The following SPATA16 variants were observed in gnomAD, a reference collection of about 807,000 sequenced individuals.
SPATA16 encodes spermatogenesis-associated protein 16.
Under a neutral mutation model 63.3 loss-of-function variants are expected in SPATA16, and 36 were observed. The ratio of observed to expected loss-of-function variants is 0.57; its 90% confidence interval spans 0.44 to 0.75. The LOEUF (loss-of-function observed/expected upper bound fraction) is 0.75, where lower values mean the gene tolerates loss of function less well. SPATA16 is among the 30% of genes least tolerant of loss of function. The pLI, the probability that SPATA16 is intolerant of heterozygous loss-of-function variation, is 0.00. For missense variants in SPATA16, 646 were observed against 679.3 expected, an observed-to-expected ratio of 0.95 and a Z score of 0.54; for synonymous variants, 203 against 216.7, an observed-to-expected ratio of 0.94 and a Z score of 0.56.
intron 5 of SPATA16, among the ~76,000 whole-genome samples, chr3:172,964,580 T>C (rs1325915841): frequency 6.6e-6 from 1 of 152,240 alleles, no homozygotes; most frequent in Non-Finnish European, 1.5e-5. Context: ...CTGTGTTCAG[T>C]AGTAAATGTC....
intron 4 of SPATA16, among the ~76,000 whole-genome samples, chr3:173,010,272 G>C (rs545141224): frequency 6.6e-6 from 1 of 151,734 alleles, no homozygotes; most frequent in Non-Finnish European, 1.5e-5. Flanking sequence ...CCCAGGTTGG[G>C]AGGGAACAAA....
At chr3:173,051,934 C>T (rs1736109052) in intron 2 of SPATA16, among the ~76,000 whole-genome samples, 1 of 151,996 alleles carries the variant, frequency 6.6e-6, no homozygotes, top group African/African-American at 2.4e-5. Flanking sequence ...GCCTCAGCCG[C>T]CCAAGTAACT....
At chr3:173,039,804 C>T (rs1045128739) in intron 3 of SPATA16, among the ~76,000 whole-genome samples, 1 of 152,032 alleles carries the variant, frequency 6.6e-6, no homozygotes, top group Non-Finnish European at 1.5e-5. Flanking sequence ...AGAGGCAATA[C>T]AGGAGTGCTG....
chr3:172,951,816 C>A (rs968311997), intron 6 of SPATA16, among the ~76,000 whole-genome samples: 1 of 152,180 alleles, frequency 6.6e-6, no homozygotes, highest in Non-Finnish European at 1.5e-5. Context: ...CCAGCCTCCA[C>A]TGGGTGAATT....
At chr3:173,025,637 G>A (rs899898871) in intron 3 of SPATA16, among the ~76,000 whole-genome samples, 6 of 151,600 alleles carry the variant, frequency 4.0e-5, no homozygotes, top group Non-Finnish European at 7.4e-5. Flanking sequence ...CCAGTTTCTG[G>A]CAACCACTGA....
Position 173,085,638 on chromosome 3 carries a change from T to C in SPATA16, c.612+31482A>G, listed in dbSNP as rs140813626. Among the ~76,000 whole-genome samples, 736 of 152,262 alleles carry C rather than the reference T, an allele frequency of 4.8e-3. 16 individuals are homozygous for C. In the East Asian group the frequency reaches 0.067, roughly 14 times the overall value. ...TCCAGCTTTTGCCCATTCAGTATGA[T>C]ATTTGCTGTAAGTTTGTCAAAAATG... On this transcript the variant is annotated intron_variant, in intron 2 of 10. Coordinates refer to ENST00000351008, the MANE Select transcript of SPATA16 (RefSeq NM_031955.6).
chr3:173,046,353 C>T (rs1735955155), intron 3 of SPATA16, among the ~76,000 whole-genome samples: 1 of 151,938 alleles, frequency 6.6e-6, no homozygotes, highest in Non-Finnish European at 1.5e-5. Context: ...GCCTTTGTAT[C>T]ATTGACTATT....
At chr3:172,893,961 A>G (rs1052474216) in intron 10 of SPATA16, among the ~76,000 whole-genome samples, 3 of 152,222 alleles carry the variant, frequency 2.0e-5, no homozygotes, top group Non-Finnish European at 4.4e-5. Flanking sequence ...TTTTAATTAA[A>G]GCTTTAAAAG....
chr3:172,929,418 C>T (rs544942007), intron 6 of SPATA16, among the ~76,000 whole-genome samples: 1 of 152,260 alleles, frequency 6.6e-6, no homozygotes, highest in Admixed American at 6.5e-5. Flanking sequence ...AAACAGTTTT[C>T]CCTTCTTCAG....
intron 4 of SPATA16, among the ~76,000 whole-genome samples, chr3:173,010,070 G>A (rs1466462008): frequency 1.3e-5 from 2 of 152,152 alleles, no homozygotes; most frequent in Non-Finnish European, 2.9e-5. Flanking sequence ...CGACTGCCAC[G>A]CAGGAAAAGG....
chr3:172,925,484 C>T lies in SPATA16; in HGVS notation c.1090G>A (p.Ala364Thr), dbSNP rs749896332. ...YAEYMYTDLQALHMLPQTVDW... is the reference protein window; with the variant it reads ...YAEYMYTDLQTLHMLPQTVDW... ...ACTGTCTGAGGCAACATGTGGAGTG[C>T]TTGAAGATCTGAAATATGACAGAAA... The change falls in exon 7 of 11, where the codon GCA (alanine) becomes ACA (threonine). Residue 364 changes from alanine to threonine, a missense_variant. By Grantham distance (58) the Ala-to-Thr change is moderately conservative. Coordinates refer to ENST00000351008, the MANE Select transcript of SPATA16 (RefSeq NM_031955.6). The T allele has an allele frequency of 6.2e-7, 1 of 1,613,872 alleles. No individual in the cohort carries two copies. Among genetic ancestry groups the T allele is most frequent in the Non-Finnish European group, 8.5e-7 (1 of 1,179,900 alleles).
At chr3:173,022,053 A>G (rs1280516267) in intron 3 of SPATA16, among the ~76,000 whole-genome samples, 2 of 151,998 alleles carry the variant, frequency 1.3e-5, no homozygotes, top group African/African-American at 4.8e-5. Flanking sequence ...TTATCAAAAG[A>G]GAGAGAGGAG....
At chr3:173,041,172 G>A (rs1735830915) in intron 3 of SPATA16, among the ~76,000 whole-genome samples, 1 of 152,050 alleles carries the variant, frequency 6.6e-6, no homozygotes, top group African/African-American at 2.4e-5. Flanking sequence ...TCTCAAGGAG[G>A]CAAACTGCCT....
chr3:172,950,225 A>G (rs1328173689), intron 6 of SPATA16, among the ~76,000 whole-genome samples: 1 of 152,200 alleles, frequency 6.6e-6, no homozygotes, highest in Non-Finnish European at 1.5e-5. Flanking sequence ...GTCACCTGCT[A>G]CTGCAAAGGA....
intron 2 of SPATA16, among the ~76,000 whole-genome samples, chr3:173,095,922 A>G (rs1045639841): frequency 2.0e-5 from 3 of 152,162 alleles, no homozygotes; most frequent in Non-Finnish European, 4.4e-5. Context: ...AAATGACATT[A>G]GACTTGGTGC....
At chr3:172,907,338 G>A (rs969886086) in intron 10 of SPATA16, among the ~76,000 whole-genome samples, 5 of 152,090 alleles carry the variant, frequency 3.3e-5, no homozygotes, top group South Asian at 2.1e-4. Flanking sequence ...CTACCACTGC[G>A]TTCAAGGGTT....
chr3:173,032,429 A>G (rs1735627063), intron 3 of SPATA16, among the ~76,000 whole-genome samples: 1 of 152,098 alleles, frequency 6.6e-6, no homozygotes, highest in African/African-American at 2.4e-5. Context: ...ATCAGGATCT[A>G]TGTTTAAGTA....
At position 172,925,556 on chromosome 3, in the gene SPATA16, C is replaced by G. The variant is rs934906978; in HGVS notation, c.1082-64G>C. ...TGGTTTTAATATTTTTAGGGTTTTC[C>G]CCCCCAGATTTCAGGAATTGTACTT... On this transcript the variant is annotated intron_variant, in intron 6 of 10. Coordinates refer to ENST00000351008, the MANE Select transcript of SPATA16 (RefSeq NM_031955.6). 25 of 1,602,368 alleles carry G rather than the reference C, an allele frequency of 1.6e-5. No individual in the cohort carries two copies. In the African/African-American group the frequency reaches 3.2e-4, roughly 21 times the overall value.
intron 4 of SPATA16, among the ~76,000 whole-genome samples, chr3:172,995,329 C>T (rs1177579092): frequency 6.6e-6 from 1 of 151,994 alleles, no homozygotes; most frequent in East Asian, 1.9e-4. Context: ...TTATTATTAT[C>T]TACTTTCCAC....
Sources: gnomAD v4.1 joint callset for allele counts (sites outside exome capture counted in the v4.1 genomes callset) on GRCh38, gnomAD v4.1.1 for gene constraint, MANE v1.5 for transcripts, NCBI Gene and HGNC (gene_info 2026-07-23, HGNC 2026-07-21) for gene names.